HEATR4: variants seen among roughly 807,000 people sequenced by gnomAD.
The protein encoded by HEATR4 is HEAT repeat-containing protein 4.
In HEATR4, 95 loss-of-function variants were observed where a neutral mutation model predicts 108.8. The observed-to-expected ratio is 0.87, with a 90% CI of 0.74 to 1.04. The LOEUF is 1.04. HEATR4 is among the 50% of genes least tolerant of loss of function. The pLI is 0.00. For synonymous variants in HEATR4, 443 were observed against 459.4 expected (o/e 0.96, Z 0.46); for missense variants, 1,152 against 1,253.8 (o/e 0.92, Z 1.23).
rs1887811527 is a variant in HEATR4, at chr14:73,519,088, T to G, written c.1145A>C (p.Lys382Thr). The G allele has an allele frequency of 6.2e-7, 1 of 1,614,030 alleles. No individual in the cohort carries two copies. The highest frequency in any genetic ancestry group is 1.3e-5 in the African/African-American group (1 of 74,942). Residue 382 changes from lysine (K) to threonine (T), a missense_variant, in exon 5 of 18, where the codon AAG becomes ACG. Coordinates refer to ENST00000553558, the MANE Select transcript of HEATR4 (RefSeq NM_001220484.1). ...TTCAGGGAAGACCTTAGATAGCTGC[T>G]TGTTGTACCGATTTAGGTTTTCCAG... ...IVLENLNRYN[K>T]QLSKVFPETP...
chr14:73,495,062 A>G (rs376263166), intron 16 of HEATR4, among the ~76,000 whole-genome samples, 166 bp downstream of exon 16: 4 of 19,018 alleles, frequency 2.1e-4, no homozygotes, highest in African/African-American at 8.1e-4. Context: ...ACAAACAAAC[A>G]AAAAAAAAAC....
At chr14:73,515,671 C>CAAAAA (rs35601077) in intron 5 of HEATR4, among the ~76,000 whole-genome samples, 1 of 33,484 alleles carries the variant, frequency 3.0e-5, no homozygotes, top group Non-Finnish European at 5.4e-5. Context: ...GACTCCATCT[C>CAAAAA]AAAAAAAAAA....
In HEATR4 at chr14:73,495,391, A is replaced by C. The variant is rs369339739; in HGVS notation, c.2626-4T>G. The C allele has an allele frequency of 1.9e-5, 31 of 1,608,728 alleles. No homozygotes were observed. Among genetic ancestry groups the C allele is most frequent in the Non-Finnish European group, 2.4e-5 (28 of 1,176,668 alleles). On this transcript the variant is annotated splice_region_variant and splice_polypyrimidine_tract_variant and intron_variant, in intron 15 of 17. Transcript: ENST00000553558. ...CCTTTTGGCTTAGTGTTTTAATCTA[A>C]ATTAGAACAAATAATGTTTGAAAAA... is the stretch of plus-strand genomic sequence containing the variant.
At chr14:73,573,732 C>G in the HEATR4 span, 1 of 1,059,714 alleles carries the variant, frequency 9.4e-7, no homozygotes, top group East Asian at 2.5e-5. Context: ...TTCTTATAGA[C>G]AGTTTCTTTT....
intron 17 of HEATR4, chr14:73,491,029 C>A: frequency 6.5e-7 from 1 of 1,549,208 alleles, no homozygotes; most frequent in South Asian, 1.2e-5. Context: ...TGGATGGGCT[C>A]CAGGCCAGTG....
intron 17 of HEATR4, among the ~76,000 whole-genome samples, chr14:73,479,915 G>A (rs1885179857): frequency 6.6e-6 from 1 of 152,034 alleles, no homozygotes; most frequent in Admixed American, 6.6e-5. Flanking sequence ...CACCAGGGTA[G>A]TCTCTCTCAG....
intron 4 of HEATR4, among the ~76,000 whole-genome samples, chr14:73,519,788 A>C (rs1887863866): frequency 6.6e-6 from 1 of 152,108 alleles, no homozygotes; most frequent in African/African-American, 2.4e-5. Context: ...GAGGCTAAGG[A>C]GGGCGGATCA....
the HEATR4 span, chr14:73,595,426 A>G: frequency 6.2e-7 from 1 of 1,614,214 alleles, no homozygotes; most frequent in Non-Finnish European, 8.5e-7. Context: ...AGGCCCATGG[A>G]AAGGAAAAAC....
the HEATR4 span, chr14:73,573,728 T>C: frequency 2.2e-5 from 24 of 1,074,546 alleles, no homozygotes; most frequent in African/African-American, 2.0e-4. Context: ...TCACTTCTTA[T>C]AGACAGTTTC....
intron 7 of HEATR4, among the ~76,000 whole-genome samples, chr14:73,510,243 C>T (rs910249918): frequency 6.6e-6 from 1 of 151,966 alleles, no homozygotes; most frequent in African/African-American, 2.4e-5. Flanking sequence ...TATCTTTCAA[C>T]CTTGGTTGAA....
In HEATR4 at chr14:73,509,366, T is replaced by C. The variant is rs1887056883; in HGVS notation, c.1666A>G (p.Ile556Val). 1 of 1,614,016 alleles carries C rather than the reference T, an allele frequency of 6.2e-7. No homozygotes were observed. The highest frequency in any genetic ancestry group is 8.5e-7 in the Non-Finnish European group (1 of 1,180,030). Residue 556 changes from isoleucine (I) to valine (V), a missense_variant, in exon 8 of 18, where the codon ATA becomes GTA. By Grantham distance (29) the Ile-to-Val change is conservative. Transcript: ENST00000553558. Reference protein sequence around the residue: ...RMAAAICQYAIQSHNPLARNI... With the variant: ...RMAAAICQYAVQSHNPLARNI... Reference sequence around the variant, plus strand: ...CGGGCAAGGGGATTATGTGACTGTATGGCATATTGGCATATTGCTGCTGCC... The same window carrying C: ...CGGGCAAGGGGATTATGTGACTGTACGGCATATTGGCATATTGCTGCTGCC...
Position 73,543,881 on chromosome 14 carries a change from A to C in HEATR4, c.-151-13637T>G, listed in dbSNP as rs1353045664. On this transcript the variant is annotated intron_variant, in intron 1 of 17. Coordinates refer to ENST00000553558, the MANE Select transcript of HEATR4 (RefSeq NM_001220484.1). ...TGTAGGAAACACAAGAAGTGGAAAA[A>C]GTCTCCTCTTCCTATCTCAACACAC... 2.8e-5 allele frequency: 4 copies of C among 144,176 alleles called. 2 individuals are homozygous for C. The highest frequency in any genetic ancestry group is 1.1e-4 in the African/African-American group (4 of 36,486). 8.9% of individuals were successfully genotyped at this position (144,176 alleles called of 1,614,324 possible). A position where few individuals can be genotyped will look rare whatever the true frequency, so the allele number is the denominator to read the frequency against.
Position 73,550,954 on chromosome 14 carries a change from C to A in HEATR4, c.-152+7797G>T, listed in dbSNP as rs1161204933. ...GCGGGCCGATACGAGGTCAGGAGTT[C>A]GAGACCAGCCTGGCCAACATAGTGA... is the stretch of plus-strand genomic sequence containing the variant. On this transcript the variant is annotated intron_variant, in intron 1 of 17. Transcript: ENST00000553558. Among the ~76,000 whole-genome samples, 4 of 113,692 alleles carry A rather than the reference C, an allele frequency of 3.5e-5. 2 individuals are homozygous for A. Among genetic ancestry groups the A allele is most frequent in the African/African-American group, 1.1e-4 (4 of 35,052 alleles). The allele number at this position is 113,692 out of a possible 152,430, so 74.6% of individuals were successfully genotyped here.
the HEATR4 span, among the ~76,000 whole-genome samples, chr14:73,615,644 C>T: frequency 4.0e-4 from 61 of 151,722 alleles, no homozygotes; most frequent in Admixed American, 4.6e-4. Context: ...GCAGGAGAAT[C>T]GCTTGAACCC....
rs1318941656 is a variant in HEATR4, at chr14:73,532,323, CT to C, written c.-151-2080del. 2.6e-5 allele frequency among the ~76,000 whole-genome samples: 3 copies of C among 116,304 alleles called. 1 individual carries two copies. The highest frequency in any genetic ancestry group is 9.7e-5 in the Admixed American group (1 of 10,346). 76.3% of individuals were successfully genotyped at this position (116,304 alleles called of 152,430 possible). On this transcript the variant is annotated intron_variant, in intron 1 of 17. Transcript: ENST00000553558. ...CTAGATTATTAGCCATTAACACTAG[CT>C]TTTACAAGGAGACTCTTCAATCTTG...
In HEATR4 at chr14:73,498,213, G is replaced by A. The variant is rs760660588; in HGVS notation, c.2488C>T (p.Arg830Trp). Residue 830 changes from arginine (R) to tryptophan (W), a missense_variant, in exon 14 of 18, where the codon CGG (arginine) becomes TGG (tryptophan). Coordinates refer to ENST00000553558, the MANE Select transcript of HEATR4 (RefSeq NM_001220484.1). Reference protein sequence around the residue: ...SILALKLQGDRVRDTFLDVLL... With the variant: ...SILALKLQGDWVRDTFLDVLL... Reference sequence around the variant, plus strand: ...ACGTCTAGGAAGGTGTCCCTGACCCGGTCCCCTTGAAGTTTCAGGGCTAGG... The same window carrying A: ...ACGTCTAGGAAGGTGTCCCTGACCCAGTCCCCTTGAAGTTTCAGGGCTAGG... The A allele has an allele frequency of 3.0e-5, 49 of 1,613,912 alleles. No homozygotes were observed. The highest frequency in any genetic ancestry group is 6.7e-5 in the Admixed American group (4 of 59,984).
At chr14:73,588,005 T>A in the HEATR4 span, among the ~76,000 whole-genome samples, 1 of 120,012 alleles carries the variant, frequency 8.3e-6, no homozygotes, top group African/African-American at 3.5e-5. Context: ...ATTTCTCTCA[T>A]TTTTTTTTTT....
intron 17 of HEATR4, among the ~76,000 whole-genome samples, chr14:73,482,471 G>A (rs1480342621): frequency 6.6e-6 from 1 of 152,024 alleles, no homozygotes; most frequent in Non-Finnish European, 1.5e-5. Flanking sequence ...GCAATGGGCC[G>A]AGACTGCGCC....
chr14:73,616,050 T>C, the HEATR4 span, among the ~76,000 whole-genome samples: 1 of 151,700 alleles, frequency 6.6e-6, no homozygotes, highest in Non-Finnish European at 1.5e-5. Flanking sequence ...CACCACAAAC[T>C]GGAACTCTTG....
Sources: gnomAD v4.1 joint callset for allele counts (sites outside exome capture counted in the v4.1 genomes callset) on GRCh38, gnomAD v4.1.1 for gene constraint, MANE v1.5 for transcripts, NCBI Gene and HGNC (gene_info 2026-07-23, HGNC 2026-07-21) for gene names.